The following PARD3 variants were observed in gnomAD, a reference collection of about 807,000 sequenced individuals.
PARD3 encodes par-3 family cell polarity regulator.
Under a neutral mutation model 155.4 loss-of-function variants are expected in PARD3, and 75 were observed. The observed-to-expected ratio is 0.48, with a 90% confidence interval of 0.40 to 0.58. The LOEUF is 0.58. Ranked by LOEUF, PARD3 falls within the 20% of genes least tolerant of loss-of-function variation. PARD3 has a pLI of 0.00. For synonymous variants in PARD3, 576 were observed against 610.5 expected, an observed-to-expected ratio of 0.94 and a Z score of 0.83; for missense variants, 1,642 against 1,721.7, an observed-to-expected ratio of 0.95 and a Z score of 0.82.
chr10:34,502,449 T>G (rs1030730964), intron 3 of PARD3, among the ~76,000 whole-genome samples: 11 of 150,894 alleles, frequency 7.3e-5, no homozygotes, highest in African/African-American at 2.7e-4. Flanking sequence ...CTGCCAACCC[T>G]GGATTTCAGC....
At chr10:34,345,297 G>C (rs1310300353) in intron 15 of PARD3, 2 of 985,244 alleles carry the variant, frequency 2.0e-6, no homozygotes, top group African/African-American at 3.5e-5. Context: ...TTTCGCCAGG[G>C]ATGTGTTCAC....
chr10:34,769,693 G>C (rs978031163), intron 1 of PARD3, among the ~76,000 whole-genome samples: 3 of 151,456 alleles, frequency 2.0e-5, no homozygotes, highest in African/African-American at 7.3e-5. Flanking sequence ...AGGAGGTCAA[G>C]GCTTCAGTGA....
chr10:34,806,256 G>A (rs921739081), intron 1 of PARD3, among the ~76,000 whole-genome samples: 6 of 145,072 alleles, frequency 4.1e-5, no homozygotes, highest in African/African-American at 5.1e-5. Flanking sequence ...GTGCAGTGTC[G>A]CTATCTTGGC....
chr10:34,665,840 A>AAGAAAAGAACAGAACAGAAC (rs1244817189), intron 2 of PARD3, among the ~76,000 whole-genome samples: 1 of 136,584 alleles, frequency 7.3e-6, no homozygotes, highest in African/African-American at 2.9e-5. Context: ...GTCTCAATTA[A>AAGAAAAGAACAGAACAGAAC]AGAACAGAAC....
intron 22 of PARD3, among the ~76,000 whole-genome samples, chr10:34,195,981 C>A (rs1950915183): frequency 6.6e-6 from 1 of 152,224 alleles, no homozygotes; most frequent in African/African-American, 2.4e-5. Flanking sequence ...AGGGCTTATG[C>A]AGTGCCTGGG....
At chr10:34,326,363 A>C (rs960105377) in intron 19 of PARD3, among the ~76,000 whole-genome samples, 2 of 151,730 alleles carry the variant, frequency 1.3e-5, no homozygotes, top group Non-Finnish European at 2.9e-5. Context: ...TATTTGCATA[A>C]AATGATGTGA....
chr10:34,598,537 AT>A (rs941461498), intron 2 of PARD3, among the ~76,000 whole-genome samples: 4 of 152,180 alleles, frequency 2.6e-5, no homozygotes, highest in African/African-American at 7.2e-5. Flanking sequence ...GAAAAAAAAT[AT>A]TTTTTTAAAT....
chr10:34,810,120 T>C (rs537916130), intron 1 of PARD3, among the ~76,000 whole-genome samples: 69 of 152,260 alleles, frequency 4.5e-4, no homozygotes, highest in African/African-American at 1.6e-3. Context: ...GCATCCCTAA[T>C]TGAAAAATCC....
chr10:34,176,879 A>G (rs1950052977), intron 22 of PARD3, among the ~76,000 whole-genome samples: 1 of 152,094 alleles, frequency 6.6e-6, no homozygotes, highest in South Asian at 2.1e-4. Context: ...TGTCAATGGA[A>G]AGTGATTTGT....
chr10:34,589,770 G>C, intron 2 of PARD3, among the ~76,000 whole-genome samples: 1 of 138,644 alleles, frequency 7.2e-6, no homozygotes, highest in Middle Eastern at 3.3e-3. Context: ...TGGGTGGGTG[G>C]GGGGCTGTTA....
chr10:34,154,422 T>C (rs190843865), intron 22 of PARD3, among the ~76,000 whole-genome samples: 79 of 152,324 alleles, frequency 5.2e-4, no homozygotes, highest in Admixed American at 1.3e-3. Flanking sequence ...GCAGCTTTCC[T>C]GGCAACAGAC....
chr10:34,247,830 C>T (rs889524623), intron 22 of PARD3, among the ~76,000 whole-genome samples: 2 of 152,156 alleles, frequency 1.3e-5, no homozygotes, highest in Non-Finnish European at 2.9e-5. Flanking sequence ...CGGAAAAGTA[C>T]GGTCATCTTC....
intron 22 of PARD3, among the ~76,000 whole-genome samples, chr10:34,202,858 C>T (rs1380104753): frequency 6.6e-6 from 1 of 152,178 alleles, no homozygotes; most frequent in African/African-American, 2.4e-5. Flanking sequence ...CTGTGACACA[C>T]AAATGGCTCA....
intron 2 of PARD3, among the ~76,000 whole-genome samples, chr10:34,617,999 G>A (rs529905837): frequency 2.7e-3 from 412 of 152,152 alleles, no homozygotes; most frequent in Non-Finnish European, 4.3e-3. Flanking sequence ...ATACACTGTG[G>A]CACTCAACTG....
chr10:34,332,555 T>C (rs1835728395), intron 18 of PARD3, among the ~76,000 whole-genome samples: 1 of 152,134 alleles, frequency 6.6e-6, no homozygotes, highest in African/African-American at 2.4e-5. Flanking sequence ...TAAAATAGAA[T>C]TAAAATTACA....
chr10:34,689,801 G>A lies in PARD3; in HGVS notation c.222+6517C>T, dbSNP rs534870030. 4.6e-5 allele frequency among the ~76,000 whole-genome samples: 7 copies of A among 152,234 alleles called. 1 individual carries two copies. In the South Asian group the frequency reaches 1.5e-3, roughly 32 times the overall value. ...AAAGATCAAGCATAGTTTGCCTTTT[G>A]CTTGGTTTTGTGTATAATCTAACAG... On this transcript the variant is annotated intron_variant, in intron 2 of 24. Transcript: ENST00000374788.
chr10:34,484,484 A>G (rs1352295378), intron 3 of PARD3, among the ~76,000 whole-genome samples: 1 of 152,102 alleles, frequency 6.6e-6, no homozygotes. Flanking sequence ...GTGCTGTTTC[A>G]TTGCTCCTCT....
chr10:34,153,227 C>T (rs1564436878), intron 22 of PARD3, among the ~76,000 whole-genome samples: 1 of 152,160 alleles, frequency 6.6e-6, no homozygotes, highest in Non-Finnish European at 1.5e-5. Context: ...CCTCCCACCT[C>T]AGCCTCCTGA....
At chr10:34,721,704 T>C (rs2094609040) in intron 1 of PARD3, among the ~76,000 whole-genome samples, 1 of 152,200 alleles carries the variant, frequency 6.6e-6, no homozygotes. Context: ...CCAATTATGA[T>C]AAAAATAAAG....
Sources: allele counts gnomAD v4.1 joint callset (sites outside exome capture counted in the v4.1 genomes callset), GRCh38; gene constraint gnomAD v4.1.1; transcripts MANE v1.5; gene names NCBI Gene and HGNC (gene_info 2026-07-23, HGNC 2026-07-21).